CDK7: variants seen among roughly 807,000 people sequenced by gnomAD.
CDK7 encodes cyclin-dependent kinase 7.
In CDK7, 25 loss-of-function variants were observed where a neutral mutation model predicts 49.1. That is an observed-to-expected ratio of 0.51 (90% CI 0.37 to 0.71). The LOEUF is 0.71. CDK7 is among the 30% of genes least tolerant of loss of function. The pLI is 0.00. For synonymous variants in CDK7, 107 were observed against 140.0 expected (o/e 0.76, Z 1.67); for missense variants, 316 against 411.7 (o/e 0.77, Z 2.01).
intron 8 of CDK7, among the ~76,000 whole-genome samples, chr5:69,267,083 G>GA (rs1237146432): frequency 6.6e-6 from 1 of 151,876 alleles, no homozygotes; most frequent in East Asian, 1.9e-4. Context: ...TTTCTTTAGG[G>GA]AAAAATAGTT....
intron 2 of CDK7, among the ~76,000 whole-genome samples, chr5:69,248,535 T>C (rs1426668224): frequency 2.0e-5 from 3 of 151,914 alleles, no homozygotes; most frequent in Admixed American, 6.6e-5. Flanking sequence ...ATTATAGTCA[T>C]GTGCCACCAC....
At chr5:69,235,256 G>A in intron 1 of CDK7, 138 bp from the exon 2 acceptor site, 1 of 788,830 alleles carries the variant, frequency 1.3e-6, no homozygotes, top group Non-Finnish European at 2.2e-6. Flanking sequence ...GAGCTGGACG[G>A]AGACTGACCC....
chr5:69,270,609 A>G (rs1046116522), intron 9 of CDK7, among the ~76,000 whole-genome samples: 4 of 152,186 alleles, frequency 2.6e-5, no homozygotes, highest in African/African-American at 7.2e-5. Context: ...TTTTATAGCT[A>G]TGCTTACTTT....
At chr5:69,271,341 ATAG>A (rs1751515051) in intron 9 of CDK7, among the ~76,000 whole-genome samples, 1 of 151,996 alleles carries the variant, frequency 6.6e-6, no homozygotes, top group South Asian at 2.1e-4. Context: ...TATATTCTAG[ATAG>A]TAGTCCAAAA....
intron 8 of CDK7, among the ~76,000 whole-genome samples, chr5:69,268,216 T>A (rs1751287154): frequency 6.6e-6 from 1 of 152,118 alleles, no homozygotes; most frequent in African/African-American, 2.4e-5. Flanking sequence ...AGTTAGGTGC[T>A]CTTTCCATGT....
intron 2 of CDK7, among the ~76,000 whole-genome samples, chr5:69,235,802 CTG>C (rs1489060499): frequency 1.8e-4 from 27 of 152,336 alleles, no homozygotes; most frequent in African/African-American, 6.5e-4. Flanking sequence ...TGTGTCGTAT[CTG>C]TATTTTCTGT....
chr5:69,261,512 G>GTGTGTGTA (rs1750815886), intron 7 of CDK7, among the ~76,000 whole-genome samples: 1 of 142,284 alleles, frequency 7.0e-6, no homozygotes, highest in Non-Finnish European at 1.6e-5. Flanking sequence ...GTGTGTGTGT[G>GTGTGTGTA]TGTGTGTGTG....
chr5:69,240,917 G>A lies in CDK7; in HGVS notation c.126+5464G>A, dbSNP rs578025267. Among the ~76,000 whole-genome samples, 424 of 152,182 alleles carry A rather than the reference G, an allele frequency of 2.8e-3. 1 individual carries two copies. Among genetic ancestry groups the A allele is most frequent in the Non-Finnish European group, 5.0e-3 (340 of 67,998 alleles). ...GCTGGGATTACAGGTGTGAGCCACC[G>A]CACCTGGCCTCTTTTATTTTTGAAT... is the stretch of plus-strand genomic sequence containing the variant. On this transcript the variant is annotated intron_variant, in intron 2 of 11. Transcript: ENST00000256443.
Position 69,277,394 on chromosome 5 carries a change from T to G in CDK7, c.*259T>G, listed in dbSNP as rs1198829885. On this transcript the variant is annotated 3_prime_UTR_variant, in exon 12 of 12. Coordinates refer to ENST00000256443, the MANE Select transcript of CDK7 (RefSeq NM_001799.4). The stretch of plus-strand genomic sequence containing the variant: ...GAATTGAAAATGCATTAGGGAAAAC[T>G]TAATAAAAATTATTACCAGTTATTT... 3.0e-6 allele frequency: 1 copy of G among 334,734 alleles called. No homozygotes were observed. Among genetic ancestry groups the G allele is most frequent in the Non-Finnish European group, 5.5e-6 (1 of 183,102 alleles). 20.7% of individuals were successfully genotyped at this position (334,734 alleles called of 1,614,324 possible).
intron 2 of CDK7, among the ~76,000 whole-genome samples, chr5:69,236,744 C>T (rs549188991): frequency 4.9e-4 from 75 of 151,764 alleles, no homozygotes; most frequent in Non-Finnish European, 8.5e-4. Context: ...CTCTGCCTCC[C>T]GGGTTCAAGC....
chr5:69,235,469 ATGT>A lies in CDK7; in HGVS notation c.126+21_126+23del, dbSNP rs1405656656. 1 of 1,558,812 alleles carries A rather than the reference ATGT, an allele frequency of 6.4e-7. No homozygotes were observed. Among genetic ancestry groups the A allele is most frequent in the Non-Finnish European group, 8.8e-7 (1 of 1,130,414 alleles). Reference sequence around the variant, plus strand: ...CATTAAGAAAGTGAGTTACCTTTTTATGTTGTTTTTAAGTCTCCTTGAAGATGT... The same window carrying A: ...CATTAAGAAAGTGAGTTACCTTTTTATGTTTTTAAGTCTCCTTGAAGATGT... On this transcript the variant is annotated intron_variant, in intron 2 of 11. Transcript: ENST00000256443.
At chr5:69,244,272 A>T (rs1258853920) in intron 2 of CDK7, among the ~76,000 whole-genome samples, 1 of 152,000 alleles carries the variant, frequency 6.6e-6, no homozygotes, top group Non-Finnish European at 1.5e-5. Flanking sequence ...AGGGCTACTG[A>T]TTTTTGTATG....
intron 3 of CDK7, among the ~76,000 whole-genome samples, chr5:69,252,767 C>T (rs2932787): frequency 0.28 from 42,495 of 151,926 alleles, 6,525 homozygotes; most frequent in East Asian, 0.4. Flanking sequence ...CCTCGGCCTC[C>T]CAAAGTGCTG....
rs1479100905 is a variant in CDK7 at position 69,269,200 on chromosome 5, C to A, written c.628-7C>A. 3.8e-6 allele frequency: 6 copies of A among 1,582,178 alleles called. No homozygotes were observed. Among genetic ancestry groups the A allele is most frequent in the African/African-American group, 2.7e-5 (2 of 72,938 alleles). ...CCTTGAAAAGTCTCCCTCTTACTTT[C>A]TTTCAGGTTCCTTTTTTGCCAGGAG... On this transcript the variant is annotated splice_polypyrimidine_tract_variant and splice_region_variant and intron_variant, in intron 8 of 11. Transcript: ENST00000256443.
At chr5:69,249,078 A>C (rs1390471134) in intron 2 of CDK7, among the ~76,000 whole-genome samples, 2 of 147,716 alleles carry the variant, frequency 1.4e-5, no homozygotes, top group Admixed American at 1.4e-4. Flanking sequence ...CTCTCTCTCT[A>C]CCTCCTTTTT....
In CDK7 at chr5:69,277,156, T is replaced by G. The variant is rs1043905884; in HGVS notation, c.*21T>G. The G allele has an allele frequency of 1.3e-6, 2 of 1,579,478 alleles. No homozygotes were observed. The highest frequency in any genetic ancestry group is 8.6e-7 in the Non-Finnish European group (1 of 1,162,108). On this transcript the variant is annotated 3_prime_UTR_variant, in exon 12 of 12. Coordinates refer to ENST00000256443, the MANE Select transcript of CDK7 (RefSeq NM_001799.4). ...TTTAAAGAGAACACTGGACAACATT[T>G]TACTACTGAGGGAAATAGCCAAAAA...
chr5:69,248,192 A>C (rs1267924693), intron 2 of CDK7, among the ~76,000 whole-genome samples: 1 of 152,154 alleles, frequency 6.6e-6, no homozygotes. Flanking sequence ...TCCTGTTTGA[A>C]GGATAATTTT....
chr5:69,255,782 G>A (rs978122197), intron 5 of CDK7: 2 of 466,590 alleles, frequency 4.3e-6, no homozygotes, highest in East Asian at 7.9e-5. Context: ...GCTAGTTGAC[G>A]TCATTTTTGG....
chr5:69,245,272 G>A (rs972348013), intron 2 of CDK7, among the ~76,000 whole-genome samples: 40 of 37,786 alleles, frequency 1.1e-3, no homozygotes, highest in Admixed American at 4.2e-3. Flanking sequence ...CCCCTCCCCC[G>A]TCCTCCCTCC....
Sources: allele counts gnomAD v4.1 joint callset (sites outside exome capture counted in the v4.1 genomes callset), GRCh38; gene constraint gnomAD v4.1.1; transcripts MANE v1.5; gene names NCBI Gene and HGNC (gene_info 2026-07-23, HGNC 2026-07-21).